FGF12: variants seen among roughly 807,000 people sequenced by gnomAD.
FGF12 encodes fibroblast growth factor 12, also known as fibroblast growth factor 12B.
Under a neutral mutation model 23.6 loss-of-function variants are expected in FGF12, and 14 were observed. The observed-to-expected ratio is 0.59, with a 90% confidence interval of 0.39 to 0.93. The LOEUF is 0.93. Among genes scored for constraint, FGF12 ranks in the 40% least tolerant of loss-of-function variants. The probability of loss-of-function intolerance (pLI) is 0.00; values close to 1 mark genes in which losing one functional copy is unlikely to be tolerated. For synonymous variants in FGF12, 62 were observed against 77.3 expected (o/e 0.80, Z 1.04); for missense variants, 175 against 217.8 (o/e 0.80, Z 1.24).
chr3:192,508,650 T>G (rs1354084027), intron 2 of FGF12, among the ~76,000 whole-genome samples: 1 of 152,218 alleles, frequency 6.6e-6, no homozygotes, highest in East Asian at 1.9e-4. Context: ...TAAGTAGACT[T>G]GAACTGAGTT....
chr3:192,255,071 C>T (rs1465019511), intron 4 of FGF12, among the ~76,000 whole-genome samples: 1 of 151,940 alleles, frequency 6.6e-6, no homozygotes, highest in Non-Finnish European at 1.5e-5. Context: ...TGTTTACCAG[C>T]TGTGAGATCT....
chr3:192,450,453 A>C (rs986714297), intron 2 of FGF12, among the ~76,000 whole-genome samples: 2 of 152,206 alleles, frequency 1.3e-5, no homozygotes, highest in Non-Finnish European at 2.9e-5. Context: ...CATAGATAGA[A>C]CCGAACATAG....
intron 3 of FGF12, among the ~76,000 whole-genome samples, chr3:192,347,976 G>A (rs1362045762): frequency 6.6e-6 from 1 of 152,116 alleles, no homozygotes; most frequent in South Asian, 2.1e-4. Flanking sequence ...CTGGCAAGTG[G>A]AGATACTCAT....
intron 2 of FGF12, among the ~76,000 whole-genome samples, chr3:192,652,102 C>T (rs1716233365): frequency 6.6e-6 from 1 of 152,186 alleles, no homozygotes; most frequent in African/African-American, 2.4e-5. Context: ...CCCTGCCCTT[C>T]TGGACTTCTA....
At position 192,143,829 on chromosome 3, in the gene FGF12, C is replaced by A. The variant is rs1056495705; in HGVS notation, c.*180G>T. ...TTTCTACCACATTGCAACAAGCAAG[C>A]TTTGGTTCAATTTTCTTGTCCTACA... On this transcript the variant is annotated 3_prime_UTR_variant, in exon 6 of 6. Transcript: ENST00000445105. 3 of 519,202 alleles carry A rather than the reference C, an allele frequency of 5.8e-6. No homozygotes were observed. In the Admixed American group the frequency reaches 1.1e-4, roughly 19 times the overall value. 32.2% of individuals were successfully genotyped at this position (519,202 alleles called of 1,614,324 possible). A position where few individuals can be genotyped will look rare whatever the true frequency, so the allele number is the denominator to read the frequency against.
chr3:192,646,995 A>G (rs1716029946), intron 2 of FGF12, among the ~76,000 whole-genome samples: 2 of 152,140 alleles, frequency 1.3e-5, no homozygotes, highest in Non-Finnish European at 2.9e-5. Context: ...TTTTACCAGA[A>G]TTAATTTTGA....
rs11292484 is a variant in FGF12, at chr3:192,656,040, C to CAA, written c.13+71139_13+71140dup. Among the ~76,000 whole-genome samples, 525 of 106,510 alleles carry CAA rather than the reference C, an allele frequency of 4.9e-3. 3 individuals are homozygous for CAA. The highest frequency in any genetic ancestry group is 0.016 in the African/African-American group (425 of 26,948). The allele number at this position is 106,510 out of a possible 152,430, so 69.9% of individuals were successfully genotyped here. A position where few individuals can be genotyped will look rare whatever the true frequency, so the allele number is the denominator to read the frequency against. Reference sequence around the variant, plus strand: ...AATTCCCTCATCCAGGAGGTTCAGGCAAAAAAAAAAAAAAAAAAAAAATTC... The same window carrying CAA: ...AATTCCCTCATCCAGGAGGTTCAGGCAAAAAAAAAAAAAAAAAAAAAAAATTC... On this transcript the variant is annotated intron_variant, in intron 2 of 5. Transcript: ENST00000445105.
chr3:192,549,956 C>T (rs142127539), intron 2 of FGF12, among the ~76,000 whole-genome samples: 1,981 of 152,180 alleles, frequency 0.013, 22 homozygotes, highest in Non-Finnish European at 0.019. Flanking sequence ...GACCTTGGAA[C>T]TTATCAGCCT....
intron 4 of FGF12, among the ~76,000 whole-genome samples, chr3:192,173,511 T>C (rs1054647717): frequency 9.3e-5 from 13 of 139,304 alleles, no homozygotes; most frequent in African/African-American, 3.3e-4. Context: ...TAGATGATAA[T>C]ATTAAGTTCT....
At chr3:192,626,622 G>T (rs1715179108) in intron 2 of FGF12, among the ~76,000 whole-genome samples, 2 of 152,126 alleles carry the variant, frequency 1.3e-5, no homozygotes, top group Admixed American at 1.3e-4. Flanking sequence ...TTTGTTGTTT[G>T]TTTATTTAGA....
chr3:192,241,782 C>T (rs1719630386), intron 4 of FGF12, among the ~76,000 whole-genome samples: 1 of 152,130 alleles, frequency 6.6e-6, no homozygotes, highest in South Asian at 2.1e-4. Context: ...TCCCGAGCAC[C>T]TGGAACATTG....
At chr3:192,272,115 C>A (rs1267786291) in intron 4 of FGF12, among the ~76,000 whole-genome samples, 1 of 152,164 alleles carries the variant, frequency 6.6e-6, no homozygotes, top group Non-Finnish European at 1.5e-5. Flanking sequence ...CAGAGAGCTG[C>A]ATTAAAAAAT....
rs569335792 is a variant in FGF12, at chr3:192,685,482, C to T, written c.13+41699G>A. Among the ~76,000 whole-genome samples, 6 of 152,292 alleles carry T rather than the reference C, an allele frequency of 3.9e-5. No individual in the cohort carries two copies. The East Asian group carries it at 1.2e-3, about 29-fold the overall frequency. ...AAGGCACAGGGATAAAAGATTTACA[C>T]CCCAGTTCCTGTTCTCCAAGAGCTC... On this transcript the variant is annotated intron_variant, in intron 2 of 5. Coordinates refer to ENST00000445105, the MANE Select transcript of FGF12 (RefSeq NM_004113.6).
At chr3:192,239,353 C>G (rs958790661) in intron 4 of FGF12, among the ~76,000 whole-genome samples, 4 of 152,152 alleles carry the variant, frequency 2.6e-5, no homozygotes, top group Non-Finnish European at 5.9e-5. Context: ...GAAGTAGGAA[C>G]AAATCCCTGA....
intron 2 of FGF12, among the ~76,000 whole-genome samples, chr3:192,648,304 T>TA (rs1434779939): frequency 6.6e-6 from 1 of 152,146 alleles, no homozygotes; most frequent in East Asian, 1.9e-4. Context: ...GATAATAATG[T>TA]ATCCTAGAAA....
rs372949822 is a variant in FGF12 at position 192,210,715 on chromosome 3, G to A, written c.229-40059C>T. Among the ~76,000 whole-genome samples, 241 of 149,276 alleles carry A rather than the reference G, an allele frequency of 1.6e-3. 1 individual carries two copies. The highest frequency in any genetic ancestry group is 0.014 in the Middle Eastern group (4 of 294). On this transcript the variant is annotated intron_variant, in intron 4 of 5. Transcript: ENST00000445105. ...AATAGAGATAAAAGTCTTTACCATCGCGGAGCTTATATTCTAACGAGAGTA... is the reference window on the plus strand; with the variant it reads ...AATAGAGATAAAAGTCTTTACCATCACGGAGCTTATATTCTAACGAGAGTA...
intron 4 of FGF12, chr3:192,265,275 A>G (rs1577298077): frequency 2.0e-5 from 3 of 152,260 alleles, no homozygotes; most frequent in Admixed American, 2.0e-4. Context: ...AGGTAGTAAC[A>G]TCCGATGTTA....
intron 2 of FGF12, among the ~76,000 whole-genome samples, chr3:192,371,345 C>A (rs1178473990): frequency 1.3e-5 from 2 of 152,230 alleles, no homozygotes; most frequent in Non-Finnish European, 2.9e-5. Flanking sequence ...TCTTCCAGTT[C>A]TGTGCCTCCC....
At position 192,144,077 on chromosome 3, in the gene FGF12, G is replaced by C; in HGVS notation, c.478C>G (p.Arg160Gly). The C allele has an allele frequency of 1.2e-6, 2 of 1,613,532 alleles. No individual in the cohort carries two copies. Among genetic ancestry groups the C allele is most frequent in the Non-Finnish European group, 1.7e-6 (2 of 1,179,636 alleles). The change falls in exon 6 of 6, where the codon CGT (arginine) becomes GGT (glycine). Residue 160 changes from arginine (R) to glycine (G), a missense_variant. By Grantham distance (125) the Arg-to-Gly change is moderately radical. Transcript: ENST00000445105. ...GGTGTTCCAGAACTTTTCCTTGAAC[G>C]CCCTTGTTTTTCTCCAATTTCATGT... ...SLHEIGEKQGRSRKSSGTPTM... is the reference protein window; with the variant it reads ...SLHEIGEKQGGSRKSSGTPTM...
Sources: allele counts gnomAD v4.1 joint callset (sites outside exome capture counted in the v4.1 genomes callset), GRCh38; gene constraint gnomAD v4.1.1; transcripts MANE v1.5; gene names NCBI Gene and HGNC (gene_info 2026-07-23, HGNC 2026-07-21).